RAB2A: variants seen among roughly 807,000 people sequenced by gnomAD.
RAB2A encodes ras-related protein Rab-2A.
RAB2A carries 7 observed loss-of-function variants against 32.5 expected under a neutral mutation model. The ratio of observed to expected loss-of-function variants is 0.22; its 90% CI spans 0.12 to 0.40. The LOEUF is 0.40. Among genes scored for constraint, RAB2A ranks in the 10% least tolerant of loss-of-function variants. The pLI is 1.00. For missense variants in RAB2A, 108 were observed against 260.7 expected, an observed-to-expected ratio of 0.41 and a Z score of 4.03; for synonymous variants, 79 against 85.2, an observed-to-expected ratio of 0.93 and a Z score of 0.40.
chr8:60,542,346 T>G (rs1218289330), intron 1 of RAB2A, among the ~76,000 whole-genome samples: 1 of 152,094 alleles, frequency 6.6e-6, no homozygotes, highest in African/African-American at 2.4e-5. Flanking sequence ...AAACCCCATC[T>G]CTACTAAAAA....
chr8:60,583,142 G>A (rs571033470), intron 3 of RAB2A, among the ~76,000 whole-genome samples: 20 of 152,178 alleles, frequency 1.3e-4, no homozygotes, highest in African/African-American at 3.6e-4. Context: ...CCGTCCATGC[G>A]CATTCTGAGG....
intron 1 of RAB2A, among the ~76,000 whole-genome samples, chr8:60,518,459 C>T (rs1807246292): frequency 1.3e-5 from 2 of 151,958 alleles, no homozygotes; most frequent in South Asian, 2.1e-4. Flanking sequence ...AGTTCGAGAC[C>T]TGCTTGGCCA....
At chr8:60,520,486 C>A (rs1807284539) in intron 1 of RAB2A, among the ~76,000 whole-genome samples, 1 of 152,218 alleles carries the variant, frequency 6.6e-6, no homozygotes, top group Admixed American at 6.5e-5. Flanking sequence ...TATCACTAAC[C>A]CTCCCTGCTG....
At chr8:60,549,000 C>T (rs529412089) in intron 1 of RAB2A, among the ~76,000 whole-genome samples, 3 of 149,418 alleles carry the variant, frequency 2.0e-5, no homozygotes, top group South Asian at 2.1e-4. Flanking sequence ...ACATCCCGGA[C>T]GGGGCGGCAG....
At chr8:60,613,230 G>A (rs1276155679) in intron 6 of RAB2A, among the ~76,000 whole-genome samples, 4 of 152,082 alleles carry the variant, frequency 2.6e-5, no homozygotes, top group Non-Finnish European at 5.9e-5. Context: ...TGACTTTGGA[G>A]TGTCTGCAGG....
chr8:60,547,659 C>CCCCCCA (rs1668696029), intron 1 of RAB2A, among the ~76,000 whole-genome samples: 1 of 119,400 alleles, frequency 8.4e-6, no homozygotes, highest in South Asian at 2.8e-4. Context: ...GGGGGCTGAC[C>CCCCCCA]CCCCCACCTC....
At chr8:60,606,897 T>C (rs1258248695) in intron 6 of RAB2A, among the ~76,000 whole-genome samples, 2 of 152,186 alleles carry the variant, frequency 1.3e-5, no homozygotes, top group Admixed American at 6.5e-5. Flanking sequence ...CTGTGATGGG[T>C]TGGGCTCCTG....
intron 1 of RAB2A, among the ~76,000 whole-genome samples, chr8:60,525,322 C>A (rs965704739): frequency 2.0e-5 from 3 of 152,128 alleles, no homozygotes; most frequent in Non-Finnish European, 2.9e-5. Context: ...TTTCTCCTGC[C>A]GCCACGTAAT....
chr8:60,544,997 G>A (rs1042243333), intron 1 of RAB2A, among the ~76,000 whole-genome samples: 1 of 151,636 alleles, frequency 6.6e-6, no homozygotes, highest in African/African-American at 2.4e-5. Context: ...CGCCTGCCAC[G>A]GCCTCCCAAG....
At chr8:60,542,618 C>G (rs898800864) in intron 1 of RAB2A, among the ~76,000 whole-genome samples, 3 of 152,150 alleles carry the variant, frequency 2.0e-5, no homozygotes, top group African/African-American at 7.2e-5. Context: ...ATCTCATTTA[C>G]TCATTTTTGT....
chr8:60,577,216 T>C (rs972504592), intron 3 of RAB2A, among the ~76,000 whole-genome samples: 23 of 151,960 alleles, frequency 1.5e-4, no homozygotes, highest in Non-Finnish European at 2.4e-4. Context: ...CAGCTAATTT[T>C]TTTTTTTAAT....
chr8:60,521,101 C>T (rs1001880796), intron 1 of RAB2A, among the ~76,000 whole-genome samples: 3 of 152,226 alleles, frequency 2.0e-5, no homozygotes, highest in African/African-American at 7.2e-5. Context: ...AAGCACAAGC[C>T]ACAGCTCTCA....
At chr8:60,530,556 T>C (rs1256288513) in intron 1 of RAB2A, among the ~76,000 whole-genome samples, 1 of 152,168 alleles carries the variant, frequency 6.6e-6, no homozygotes, top group Non-Finnish European at 1.5e-5. Context: ...TTCCAAAGTG[T>C]TGGATTACAA....
intron 5 of RAB2A, 59 bp from the exon 6 acceptor site, chr8:60,591,799 A>G: frequency 9.0e-7 from 1 of 1,108,930 alleles, no homozygotes; most frequent in Non-Finnish European, 1.3e-6. Context: ...CACTTTCCAC[A>G]AATGCTTCTG....
intron 1 of RAB2A, among the ~76,000 whole-genome samples, chr8:60,546,598 CTTTG>C (rs911699591): frequency 1.0e-3 from 153 of 152,232 alleles, no homozygotes; most frequent in African/African-American, 3.5e-3. Context: ...GGATTTTTGT[CTTTG>C]TTTGTTTAAT....
intron 3 of RAB2A, among the ~76,000 whole-genome samples, chr8:60,574,167 C>CA (rs1246420564): frequency 6.6e-6 from 1 of 152,120 alleles, no homozygotes; most frequent in East Asian, 1.9e-4. Context: ...ACTAAGATGT[C>CA]AGCTCTTTGG....
intron 3 of RAB2A, among the ~76,000 whole-genome samples, chr8:60,583,856 C>G (rs964718616): frequency 6.6e-6 from 1 of 152,166 alleles, no homozygotes; most frequent in African/African-American, 2.4e-5. Flanking sequence ...TCAAATTTGT[C>G]TTCAGAGCTT....
At chr8:60,548,717 C>G (rs1438344685) in intron 1 of RAB2A, among the ~76,000 whole-genome samples, 1 of 128,518 alleles carries the variant, frequency 7.8e-6, no homozygotes, top group African/African-American at 3.1e-5. Flanking sequence ...TAGGGGCAGC[C>G]GGGCAGAGGC....
At chr8:60,539,399 A>G (rs1327777650) in intron 1 of RAB2A, among the ~76,000 whole-genome samples, 2 of 152,240 alleles carry the variant, frequency 1.3e-5, no homozygotes, top group Non-Finnish European at 2.9e-5. Context: ...TTTATTTCTC[A>G]CAATAGCCAA....
Sources: allele counts gnomAD v4.1 joint callset (sites outside exome capture counted in the v4.1 genomes callset), GRCh38; gene constraint gnomAD v4.1.1; transcripts MANE v1.5; gene names NCBI Gene and HGNC (gene_info 2026-07-23, HGNC 2026-07-21).